The following CYP11A1 variants were observed in gnomAD, a reference collection of about 807,000 sequenced individuals.
CYP11A1 encodes cholesterol side-chain cleavage enzyme, mitochondrial.
In CYP11A1, 25 loss-of-function variants were observed where a neutral mutation model predicts 51.9. That is an observed-to-expected ratio of 0.48 (90% CI 0.35 to 0.67). The LOEUF is 0.67. Ranked by LOEUF, CYP11A1 falls within the 30% of genes least tolerant of loss-of-function variation. The pLI, the probability that CYP11A1 is intolerant of heterozygous loss-of-function variation, is 0.00. For synonymous variants in CYP11A1, 245 were observed against 262.1 expected (o/e 0.93, Z 0.63); for missense variants, 578 against 680.9 (o/e 0.85, Z 1.68).
At chr15:74,362,457 A>G (rs2060713140) in intron 1 of CYP11A1, 1 of 155,472 alleles carries the variant, frequency 6.4e-6, no homozygotes, top group Non-Finnish European at 1.4e-5. Context: ...CACCAGATTA[A>G]AAAAAAAAGC....
chr15:74,348,231 G>A (rs2060641027), intron 1 of CYP11A1, 176 bp from the exon 2 acceptor site: 2 of 644,866 alleles, frequency 3.1e-6, no homozygotes, highest in Non-Finnish European at 5.4e-6. Flanking sequence ...TACAGTACCT[G>A]TCTCGCAGCG....
At chr15:74,355,412 C>T (rs2060674685) in intron 1 of CYP11A1, among the ~76,000 whole-genome samples, 1 of 151,962 alleles carries the variant, frequency 6.6e-6, no homozygotes, top group African/African-American at 2.4e-5. Context: ...ATTCTTTGTT[C>T]CCTCCCTAGT....
chr15:74,339,160 C>T, intron 7 of CYP11A1, 77 bp downstream of exon 7: 1 of 1,280,152 alleles, frequency 7.8e-7, no homozygotes, highest in Non-Finnish European at 1.1e-6. Context: ...GGCCCCAGTG[C>T]CACCCTCTGT....
At chr15:74,366,243 C>T (rs2060732577) in intron 1 of CYP11A1, 1 of 982,910 alleles carries the variant, frequency 1.0e-6, no homozygotes, top group Non-Finnish European at 1.2e-6. Flanking sequence ...GACCTTTTCA[C>T]TCTGTGCTCT....
At chr15:74,367,256 A>C (rs2060738149) in intron 1 of CYP11A1, 61 bp downstream of exon 1, 1 of 1,600,158 alleles carries the variant, frequency 6.2e-7, no homozygotes, top group East Asian at 2.2e-5. Context: ...GGACTACAGC[A>C]GGGCTACCCA....
In CYP11A1 at chr15:74,345,942, C is replaced by T. The variant is rs1440252041; in HGVS notation, c.426-699G>A. On this transcript the variant is annotated intron_variant, in intron 2 of 8. Transcript: ENST00000268053. This position sits in a 1 kb window ranked among gnomAD's most constrained non-coding sequence, Gnocchi z 4.3. ...CTGGTCCTTCCACATCCTTTGTTCC[C>T]TTCTAAGGAGACCACCCACTAGAAT... is the stretch of plus-strand genomic sequence containing the variant. Among the ~76,000 whole-genome samples, 2 of 152,192 alleles carry T rather than the reference C, an allele frequency of 1.3e-5. No individual in the cohort carries two copies. Among genetic ancestry groups the T allele is most frequent in the African/African-American group, 4.8e-5 (2 of 41,438 alleles).
At position 74,367,589 on chromosome 15, in the gene CYP11A1, G is replaced by A. The variant is rs1181002981; in HGVS notation, c.-4C>T. 3.7e-6 allele frequency: 6 copies of A among 1,613,152 alleles called. No individual in the cohort carries two copies. The highest frequency in any genetic ancestry group is 2.2e-5 in the East Asian group (1 of 44,896). On this transcript the variant is annotated 5_prime_UTR_variant, in exon 1 of 9. Transcript: ENST00000268053. The stretch of plus-strand genomic sequence containing the variant: ...GGGGAAGACCCTTGGCCAGCATGCT[G>A]TCCCCACAGCTGTGACTGTACCTGC...
At chr15:74,366,408 C>G (rs1414299284) in intron 1 of CYP11A1, among the ~76,000 whole-genome samples, 2 of 151,214 alleles carry the variant, frequency 1.3e-5, no homozygotes, top group African/African-American at 2.4e-5. Context: ...CTCAGCCTCC[C>G]GAGTAGCTGG....
In CYP11A1 at chr15:74,345,184, T is replaced by C. The variant is rs1440123283; in HGVS notation, c.485A>G (p.Glu162Gly). 6.2e-7 allele frequency: 1 copy of C among 1,614,208 alleles called. No individual in the cohort carries two copies. Among genetic ancestry groups the C allele is most frequent in the Non-Finnish European group, 8.5e-7 (1 of 1,180,028 alleles). ...VALNQEVMAP[E>G]ATKNFLPLLD... ...CAGGGGCAAAAAGTTCTTGGTGGCC[T>C]CTGGAGCCATCACCTCCTGGTTCAG... Residue 162 changes from glutamate to glycine, a missense_variant, in exon 3 of 9, where the codon GAG (glutamate) becomes GGG (glycine). Glu to Gly is a moderately conservative substitution (Grantham distance 98). Coordinates refer to ENST00000268053, the MANE Select transcript of CYP11A1 (RefSeq NM_000781.3). The surrounding 1 kb of genome is among the most constrained non-coding windows in gnomAD (Gnocchi z 4.3).
chr15:74,350,465 G>A (rs1393834007), intron 1 of CYP11A1, among the ~76,000 whole-genome samples: 1 of 152,102 alleles, frequency 6.6e-6, no homozygotes, highest in Non-Finnish European at 1.5e-5. Context: ...TTCTCACTGG[G>A]CCTCAGTTTC....
rs1283359446 is a variant in CYP11A1 at position 74,339,772 on chromosome 15, T to C, written c.991-19A>G. 2 of 1,613,726 alleles carry C rather than the reference T, an allele frequency of 1.2e-6. No individual in the cohort carries two copies. The highest frequency in any genetic ancestry group is 1.7e-5 in the Admixed American group (1 of 60,004). ...TGGACGTCTGGTGGGGAGTAGGGTA[T>C]ACAGAAGACCAGGAGGGCCTGTCAC... On this transcript the variant is annotated intron_variant, in intron 5 of 8. Coordinates refer to ENST00000268053, the MANE Select transcript of CYP11A1 (RefSeq NM_000781.3).
At chr15:74,338,277 G>T (rs2060588701) in intron 8 of CYP11A1, 174 bp from the exon 9 acceptor site, 3 of 791,926 alleles carry the variant, frequency 3.8e-6, no homozygotes, top group Admixed American at 2.1e-5. Flanking sequence ...CCTTAGTGCT[G>T]CATTTCCTTG....
intron 1 of CYP11A1, among the ~76,000 whole-genome samples, chr15:74,348,585 C>T (rs1195899226): frequency 6.6e-6 from 1 of 152,208 alleles, no homozygotes; most frequent in Non-Finnish European, 1.5e-5. Context: ...AGAGTGGCCA[C>T]CCTGACCCTA....
In CYP11A1 at chr15:74,348,679, G is replaced by C. The variant is rs372466454; in HGVS notation, c.270-624C>G. Among the ~76,000 whole-genome samples, 6 of 152,286 alleles carry C rather than the reference G, an allele frequency of 3.9e-5. No homozygotes were observed. In the East Asian group the frequency reaches 1.2e-3, roughly 29 times the overall value. The stretch of plus-strand genomic sequence containing the variant: ...ACATCAAGCCCCAACATACAGGCAG[G>C]GGAGACAGGCTTGCAAATCACTTTG... On this transcript the variant is annotated intron_variant, in intron 1 of 8. Coordinates refer to ENST00000268053, the MANE Select transcript of CYP11A1 (RefSeq NM_000781.3).
Position 74,337,958 on chromosome 15 carries a change from G to A in CYP11A1, c.*14C>T, listed in dbSNP as rs764631968. 8 of 1,613,522 alleles carry A rather than the reference G, an allele frequency of 5.0e-6. No homozygotes were observed. The East Asian group carries it at 1.6e-4, about 31-fold the overall frequency. ...GGGCCTTCCTCCCATGTGGCTGCAG[G>A]CCATCCTCTCTGATCACTGCTGGGT... On this transcript the variant is annotated 3_prime_UTR_variant, in exon 9 of 9. Transcript: ENST00000268053.
At chr15:74,347,069 G>A (rs1172449127) in intron 2 of CYP11A1, among the ~76,000 whole-genome samples, 3 of 152,026 alleles carry the variant, frequency 2.0e-5, no homozygotes. Flanking sequence ...GCCTCCCAAA[G>A]TGCTGGGATT....
At position 74,345,210 on chromosome 15, in the gene CYP11A1, G is replaced by A; in HGVS notation, c.459C>T (p.Ala153=). The part of the protein sequence containing the change: ...KSAAWKKDRV[A]LNQEVMAPEA... The stretch of plus-strand genomic sequence containing the variant: ...CTGGAGCCATCACCTCCTGGTTCAG[G>A]GCCACCCGGTCTTTCTTCCAGGCTG... The change falls in exon 3 of 9, where the codon GCC becomes GCT. Residue 153 remains alanine, a synonymous_variant. Coordinates refer to ENST00000268053, the MANE Select transcript of CYP11A1 (RefSeq NM_000781.3). The surrounding 1 kb of genome is among the most constrained non-coding windows in gnomAD (Gnocchi z 4.3). The A allele has an allele frequency of 1.2e-6, 2 of 1,614,098 alleles. No homozygotes were observed. Among genetic ancestry groups the A allele is most frequent in the African/African-American group, 1.3e-5 (1 of 75,004 alleles).
intron 1 of CYP11A1, chr15:74,362,052 G>C: frequency 1.3e-6 from 2 of 1,489,662 alleles, no homozygotes; most frequent in Non-Finnish European, 1.8e-6. Context: ...TAATAAGTTT[G>C]ACTTGTGTTT....
chr15:74,344,049 C>T, intron 3 of CYP11A1, 57 bp from the exon 4 acceptor site: 1 of 1,483,748 alleles, frequency 6.7e-7, no homozygotes, highest in Non-Finnish European at 9.4e-7. Context: ...CTGAGAGCCA[C>T]AACTCCCAGG....
Sources: allele counts gnomAD v4.1 joint callset (sites outside exome capture counted in the v4.1 genomes callset), GRCh38; gene constraint gnomAD v4.1.1; non-coding constraint Gnocchi (gnomAD v3.1); transcripts MANE v1.5; gene names NCBI Gene and HGNC (gene_info 2026-07-23, HGNC 2026-07-21).